Variants in MAPK8IP3 observed in about 807,000 individuals in gnomAD.
The protein encoded by MAPK8IP3 is C-Jun-amino-terminal kinase-interacting protein 3.
MAPK8IP3 carries 49 observed loss-of-function variants against 157.8 expected under a neutral mutation model. The ratio of observed to expected loss-of-function variants is 0.31; its 90% confidence interval spans 0.25 to 0.39. The LOEUF is 0.39. Ranked by LOEUF, MAPK8IP3 falls within the 10% of genes least tolerant of loss-of-function variation. The pLI is 1.00. For missense variants in MAPK8IP3, 1,478 were observed against 1,889.4 expected (o/e 0.78, Z 4.04); for synonymous variants, 897 against 777.7 (o/e 1.15, Z -2.55).
At chr16:1,763,903 G>T in intron 17 of MAPK8IP3, 120 bp downstream of exon 17, 1 of 1,018,762 alleles carries the variant, frequency 9.8e-7, no homozygotes, top group Non-Finnish European at 1.4e-6. Context: ...AGAGGACGGC[G>T]GGTGGGGCGG....
chr16:1,753,760 G>A (rs536834015), intron 8 of MAPK8IP3, among the ~76,000 whole-genome samples: 9 of 151,508 alleles, frequency 5.9e-5, no homozygotes, highest in African/African-American at 1.9e-4. Flanking sequence ...ATTATTTTAG[G>A]AATCTTCAAG....
At chr16:1,730,820 G>A (rs1334237887) in intron 4 of MAPK8IP3, among the ~76,000 whole-genome samples, 3 of 149,504 alleles carry the variant, frequency 2.0e-5, no homozygotes, top group Non-Finnish European at 4.4e-5. Context: ...TCCAGCCTGG[G>A]CGACAGAGTG....
intron 8 of MAPK8IP3, chr16:1,752,187 T>C (rs922051284): frequency 6.3e-6 from 1 of 159,630 alleles, no homozygotes; most frequent in Non-Finnish European, 1.4e-5. Flanking sequence ...TAGAGGGCAC[T>C]GGCCAGGAGT....
At chr16:1,745,240 G>A (rs2040893864) in intron 5 of MAPK8IP3, 6 of 928,328 alleles carry the variant, frequency 6.5e-6, no homozygotes, top group East Asian at 1.2e-4. Context: ...GGGACCCAGC[G>A]TGGAGGAAGG....
intron 2 of MAPK8IP3, among the ~76,000 whole-genome samples, chr16:1,725,350 G>A (rs896831096): frequency 6.0e-5 from 9 of 150,300 alleles, no homozygotes; most frequent in Admixed American, 5.3e-4. Flanking sequence ...AAAAAAGGCC[G>A]GGCATGGTGG....
chr16:1,740,433 C>T (rs924382244), intron 4 of MAPK8IP3, among the ~76,000 whole-genome samples: 41 of 147,030 alleles, frequency 2.8e-4, no homozygotes, highest in African/African-American at 8.8e-4. Flanking sequence ...TGCCCACACC[C>T]TCTAACACCT....
intron 12 of MAPK8IP3, 138 bp from the exon 13 acceptor site, chr16:1,761,086 C>T (rs1008626969): frequency 2.2e-5 from 15 of 695,102 alleles, no homozygotes; most frequent in Non-Finnish European, 3.9e-5. Context: ...CAAACGGCTG[C>T]TGAAGGGGTC....
chr16:1,759,907 A>G (rs370849218), intron 10 of MAPK8IP3, 51 bp from the exon 11 acceptor site: 314 of 1,525,638 alleles, frequency 2.1e-4, no homozygotes, highest in African/African-American at 2.0e-3. Context: ...CGGCGGCATC[A>G]GTGACCTGTT....
At chr16:1,719,035 T>C (rs983813695) in intron 1 of MAPK8IP3, among the ~76,000 whole-genome samples, 1 of 152,206 alleles carries the variant, frequency 6.6e-6, no homozygotes, top group Non-Finnish European at 1.5e-5. Context: ...GTCATGCTGC[T>C]GTACTCCAGT....
rs371612741 is a variant in MAPK8IP3 at position 1,760,545 on chromosome 16, C to T, written c.1457+13C>T. ...AGGAACTGAAAAGGTGAGGGCAGGG[C>T]ATGGAAAGCTGGTCAGAGAGGGACC... On this transcript the variant is annotated intron_variant, in intron 12 of 31. Transcript: ENST00000610761. 6.2e-7 allele frequency: 1 copy of T among 1,605,868 alleles called. No individual in the cohort carries two copies. Among genetic ancestry groups the T allele is most frequent in the African/African-American group, 1.3e-5 (1 of 74,872 alleles).
chr16:1,748,526 G>A (rs1341792710), intron 7 of MAPK8IP3, 76 bp from the exon 8 acceptor site: 7 of 1,291,378 alleles, frequency 5.4e-6, no homozygotes, highest in African/African-American at 4.4e-5. Flanking sequence ...GGGAGGTGTT[G>A]GAAGAGTCTG....
intron 2 of MAPK8IP3, 48 bp from the exon 3 acceptor site, chr16:1,729,090 C>T: frequency 6.4e-7 from 1 of 1,558,166 alleles, no homozygotes; most frequent in Non-Finnish European, 8.9e-7. Flanking sequence ...GAGTTCAGGG[C>T]CATGGAGAAG....
intron 4 of MAPK8IP3, among the ~76,000 whole-genome samples, chr16:1,739,751 T>G (rs1317251418): frequency 8.4e-6 from 1 of 118,560 alleles, no homozygotes; most frequent in African/African-American, 3.3e-5. Flanking sequence ...TGACCGTCCG[T>G]GTGTGACCGT....
intron 4 of MAPK8IP3, chr16:1,734,880 G>A (rs766044391): frequency 6.5e-6 from 1 of 154,660 alleles, no homozygotes; most frequent in Non-Finnish European, 1.5e-5. Flanking sequence ...GGCTTAGTGA[G>A]TGTGTGTCTG....
At chr16:1,720,771 A>G (rs1244557854) in intron 1 of MAPK8IP3, among the ~76,000 whole-genome samples, 1 of 152,250 alleles carries the variant, frequency 6.6e-6, no homozygotes, top group Non-Finnish European at 1.5e-5. Flanking sequence ...GCAGCGGCTC[A>G]CGCCTGTAAT....
chr16:1,730,044 C>CAAAAAA (rs58933347), intron 4 of MAPK8IP3, among the ~76,000 whole-genome samples: 5 of 46,976 alleles, frequency 1.1e-4, no homozygotes, highest in South Asian at 9.2e-4. Flanking sequence ...CTTGTCTCTA[C>CAAAAAA]AAAAAAAAAA....
intron 1 of MAPK8IP3, among the ~76,000 whole-genome samples, chr16:1,716,330 G>C (rs1052149763): frequency 4.6e-4 from 61 of 133,950 alleles, no homozygotes; most frequent in African/African-American, 1.8e-3. Context: ...TTTTTTTTGA[G>C]ACAGAGTCTC....
At chr16:1,758,462 C>G (rs917065964) in intron 9 of MAPK8IP3, among the ~76,000 whole-genome samples, 1 of 152,228 alleles carries the variant, frequency 6.6e-6, no homozygotes, top group Non-Finnish European at 1.5e-5. Flanking sequence ...CCAAGGCCAG[C>G]TCTGGGGCCT....
chr16:1,736,079 TGA>T (rs201011615), intron 4 of MAPK8IP3, among the ~76,000 whole-genome samples: 12,383 of 104,752 alleles, frequency 0.12, 1,345 homozygotes, highest in African/African-American at 0.25. Context: ...ACCATCCGTG[TGA>T]GAGTGTGACC....
Sources: gnomAD v4.1 joint callset for allele counts (sites outside exome capture counted in the v4.1 genomes callset) on GRCh38, gnomAD v4.1.1 for gene constraint, MANE v1.5 for transcripts, NCBI Gene and HGNC (gene_info 2026-07-23, HGNC 2026-07-21) for gene names.